Variants in HPSE2 observed in about 807,000 individuals in gnomAD.
The protein encoded by HPSE2 is inactive heparanase-2.
Under a neutral mutation model 60.5 loss-of-function variants are expected in HPSE2, and 38 were observed. That is an observed-to-expected ratio of 0.63 (90% CI 0.48 to 0.82). HPSE2 has a LOEUF of 0.82. Among genes scored for constraint, HPSE2 ranks in the 40% least tolerant of loss-of-function variants. The pLI, the probability that HPSE2 is intolerant of heterozygous loss-of-function variation, is 0.00. For missense variants in HPSE2, 713 were observed against 740.4 expected, an observed-to-expected ratio of 0.96 and a Z score of 0.43; for synonymous variants, 295 against 293.2, an observed-to-expected ratio of 1.01 and a Z score of -0.06.
At chr10:99,068,805 A>C (rs965246256) in intron 3 of HPSE2, among the ~76,000 whole-genome samples, 30 of 152,214 alleles carry the variant, frequency 2.0e-4, no homozygotes, top group Non-Finnish European at 3.1e-4. Flanking sequence ...CTGATCCTAC[A>C]GAAATTTTTT....
chr10:98,862,733 T>C (rs1453297234), intron 3 of HPSE2, among the ~76,000 whole-genome samples: 1 of 152,156 alleles, frequency 6.6e-6, no homozygotes. Context: ...ATTAGGACTC[T>C]TGGGACCAGA....
At chr10:98,897,799 T>C (rs1236327559) in intron 3 of HPSE2, among the ~76,000 whole-genome samples, 4 of 151,960 alleles carry the variant, frequency 2.6e-5, no homozygotes, top group Admixed American at 6.6e-5. Context: ...GAGTTTTAGA[T>C]AAAACACCAA....
At position 98,804,910 on chromosome 10, in the gene HPSE2, T is replaced by C. The variant is rs569562283; in HGVS notation, c.611-60854A>G. Among the ~76,000 whole-genome samples the C allele has an allele frequency of 2.6e-5, 4 of 152,072 alleles. No homozygotes were observed. In the South Asian group the frequency reaches 8.3e-4, roughly 32 times the overall value. On this transcript the variant is annotated intron_variant, in intron 3 of 11. Transcript: ENST00000370552. The stretch of plus-strand genomic sequence containing the variant: ...TGTCCATAACATATAAATAAATAAA[T>C]AAAATGTGATACTTATACACAATAG...
At chr10:98,591,904 A>G (rs1016323685) in intron 9 of HPSE2, among the ~76,000 whole-genome samples, 3 of 152,146 alleles carry the variant, frequency 2.0e-5, no homozygotes, top group African/African-American at 7.2e-5. Flanking sequence ...TTATTGGCCT[A>G]TTTGGATGAA....
the HPSE2 span, among the ~76,000 whole-genome samples, chr10:99,276,641 A>AGTT: frequency 2.6e-4 from 39 of 152,164 alleles, no homozygotes; most frequent in African/African-American, 9.2e-4. Flanking sequence ...ATAACTGATA[A>AGTT]ATAGGATAAG....
intron 3 of HPSE2, among the ~76,000 whole-genome samples, chr10:98,853,168 G>C (rs569955699): frequency 6.6e-6 from 1 of 152,296 alleles, no homozygotes; most frequent in African/African-American, 2.4e-5. Flanking sequence ...TTTATGGAAG[G>C]CTGAGCCATT....
chr10:99,019,396 T>C (rs1041212377), intron 3 of HPSE2, among the ~76,000 whole-genome samples: 8 of 152,210 alleles, frequency 5.3e-5, no homozygotes, highest in Admixed American at 1.3e-4. Flanking sequence ...CAGAATTCTT[T>C]AGTTTCCCTA....
intron 3 of HPSE2, among the ~76,000 whole-genome samples, chr10:98,828,578 G>A (rs1297601199): frequency 6.6e-6 from 1 of 152,126 alleles, no homozygotes. Flanking sequence ...TATACAAATG[G>A]CCAATAAGTA....
intron 9 of HPSE2, among the ~76,000 whole-genome samples, chr10:98,596,936 T>C (rs1158004279): frequency 6.6e-6 from 1 of 152,174 alleles, no homozygotes; most frequent in Non-Finnish European, 1.5e-5. Flanking sequence ...AGAGGTTTAA[T>C]TGACTCACAG....
At chr10:99,130,260 C>G (rs1845331560) in intron 3 of HPSE2, among the ~76,000 whole-genome samples, 1 of 152,064 alleles carries the variant, frequency 6.6e-6, no homozygotes, top group East Asian at 1.9e-4. Context: ...AAGAGGTTCC[C>G]TTCCTTAATC....
intron 3 of HPSE2, among the ~76,000 whole-genome samples, chr10:99,088,536 A>G (rs1843404787): frequency 6.6e-6 from 1 of 152,172 alleles, no homozygotes; most frequent in Non-Finnish European, 1.5e-5. Context: ...CCATTATTTC[A>G]TTCCTTTTTA....
intron 3 of HPSE2, among the ~76,000 whole-genome samples, chr10:98,865,891 T>C (rs186869447): frequency 8.1e-4 from 123 of 152,224 alleles, no homozygotes; most frequent in Admixed American, 1.9e-3. Flanking sequence ...TAACAAATCA[T>C]ATAAGCAAGA....
In HPSE2 at chr10:98,867,382, A is replaced by G. The variant is rs184894270; in HGVS notation, c.611-123326T>C. ...AAAAGAAGTCATACAAATGGCAAAA[A>G]GCATATGAAAAAGTGCTCAACAACA... On this transcript the variant is annotated intron_variant, in intron 3 of 11. Coordinates refer to ENST00000370552, the MANE Select transcript of HPSE2 (RefSeq NM_021828.5). Among the ~76,000 whole-genome samples, 3 of 152,308 alleles carry G rather than the reference A, an allele frequency of 2.0e-5. No individual in the cohort carries two copies. The East Asian group carries it at 5.8e-4, about 29-fold the overall frequency.
intron 9 of HPSE2, among the ~76,000 whole-genome samples, chr10:98,572,817 G>A (rs536438331): frequency 3.9e-5 from 6 of 152,298 alleles, no homozygotes; most frequent in African/African-American, 9.6e-5. Context: ...CAGGTGGTAC[G>A]TGGCCACGAA....
At chr10:98,788,614 C>T (rs886631781) in intron 3 of HPSE2, among the ~76,000 whole-genome samples, 1 of 152,176 alleles carries the variant, frequency 6.6e-6, no homozygotes, top group African/African-American at 2.4e-5. Context: ...GGGCGTAGGA[C>T]CCTCTGAGCC....
chr10:98,980,618 C>T (rs1300925722), intron 3 of HPSE2, among the ~76,000 whole-genome samples: 2 of 152,206 alleles, frequency 1.3e-5, no homozygotes, highest in Admixed American at 6.5e-5. Context: ...GAAGTCTGGC[C>T]GCTGGGATTG....
chr10:99,155,248 T>C (rs1441565378), intron 2 of HPSE2, among the ~76,000 whole-genome samples: 10 of 141,654 alleles, frequency 7.1e-5, no homozygotes, highest in Non-Finnish European at 1.1e-4. Flanking sequence ...CTGCACCAAG[T>C]GGACCTAATA....
intron 3 of HPSE2, among the ~76,000 whole-genome samples, chr10:98,834,624 T>A (rs10883214): frequency 6.6e-6 from 1 of 152,046 alleles, no homozygotes; most frequent in Non-Finnish European, 1.5e-5. Context: ...CAAAATCACA[T>A]GTAGAGTTAC....
intron 3 of HPSE2, among the ~76,000 whole-genome samples, chr10:98,943,752 G>C (rs914576572): frequency 2.6e-5 from 4 of 152,154 alleles, no homozygotes; most frequent in Admixed American, 2.0e-4. Context: ...TTGACCAACA[G>C]CTAGATAGGA....
Sources: gnomAD v4.1 joint callset for allele counts (sites outside exome capture counted in the v4.1 genomes callset) on GRCh38, gnomAD v4.1.1 for gene constraint, MANE v1.5 for transcripts, NCBI Gene and HGNC (gene_info 2026-07-23, HGNC 2026-07-21) for gene names.